Variants in ITPRID1 observed in about 807,000 individuals in gnomAD.
ITPRID1 encodes the protein ITPR interacting domain containing 1.
A neutral mutation model predicts 95.4 loss-of-function variants in ITPRID1; 96 were observed. The ratio of observed to expected loss-of-function variants is 1.01; its 90% CI spans 0.85 to 1.19. The LOEUF is 1.19. Among genes scored for constraint, ITPRID1 ranks in the 50% most tolerant of loss-of-function variants. The pLI is 0.00. For missense variants in ITPRID1, 1,339 were observed against 1,252.9 expected (o/e 1.07, Z -1.04); for synonymous variants, 510 against 453.6 (o/e 1.12, Z -1.58).
intron 10 of ITPRID1, among the ~76,000 whole-genome samples, chr7:31,619,656 T>G (rs539653527): frequency 1.4e-3 from 206 of 152,214 alleles, no homozygotes; most frequent in Admixed American, 3.0e-3. Context: ...ACAGCTCCAG[T>G]CTACAGCCCC....
At chr7:31,626,109 A>G (rs985276946) in intron 10 of ITPRID1, among the ~76,000 whole-genome samples, 9 of 152,352 alleles carry the variant, frequency 5.9e-5, no homozygotes, top group African/African-American at 2.2e-4. Context: ...AACTTGGCAA[A>G]AACATGTTTT....
intron 7 of ITPRID1, among the ~76,000 whole-genome samples, chr7:31,573,180 G>A (rs1785051864): frequency 6.6e-6 from 1 of 152,150 alleles, no homozygotes; most frequent in Admixed American, 6.6e-5. Flanking sequence ...GGTGACCACA[G>A]TTAATATTAA....
At chr7:31,528,616 G>C (rs1783496187) in intron 1 of ITPRID1, among the ~76,000 whole-genome samples, 1 of 152,170 alleles carries the variant, frequency 6.6e-6, no homozygotes, top group Non-Finnish European at 1.5e-5. Flanking sequence ...AGATCTCCCA[G>C]AATAGGCTGA....
Position 31,578,135 on chromosome 7 carries a change from T to A in ITPRID1, c.871T>A (p.Trp291Arg), listed in dbSNP as rs111510506. Residue 291 changes from tryptophan to arginine, a missense_variant, in exon 9 of 15, where the codon TGG becomes AGG. Transcript: ENST00000615280. ...DEVFVPFTKP[W>R]DCGAELAATS... ...AGTTTTTGTTCCCTTTACAAAACCA[T>A]GGGATTGTGGAGCAGAGCTAGCAGC... 3 of 1,613,780 alleles carry A rather than the reference T, an allele frequency of 1.9e-6. No individual in the cohort carries two copies. Among genetic ancestry groups the A allele is most frequent in the African/African-American group, 1.3e-5 (1 of 75,050 alleles).
intron 10 of ITPRID1, among the ~76,000 whole-genome samples, chr7:31,623,787 A>C (rs921300504): frequency 8.6e-5 from 13 of 151,830 alleles, no homozygotes; most frequent in African/African-American, 3.1e-4. Context: ...TAGGCAGGAG[A>C]AGGAAATAAA....
chr7:31,595,131 G>A (rs957479276), intron 10 of ITPRID1, among the ~76,000 whole-genome samples: 19 of 136,426 alleles, frequency 1.4e-4, no homozygotes, highest in South Asian at 4.6e-4. Context: ...GAGTGCAACC[G>A]CCTCCCAGGT....
chr7:31,658,240 TTTTG>T, downstream of ITPRID1: 1 of 1,476,492 alleles, frequency 6.8e-7, no homozygotes, highest in East Asian at 2.5e-5. Context: ...TTGCATTAGG[TTTTG>T]TTTATTTAAC....
At position 31,649,401 on chromosome 7, in the gene ITPRID1, C is replaced by A. The variant is rs1054589086; in HGVS notation, c.2584-1741C>A. Among the ~76,000 whole-genome samples the A allele has an allele frequency of 1.2e-4, 18 of 149,588 alleles. 1 individual carries two copies. The highest frequency in any genetic ancestry group is 8.8e-4 in the Admixed American group (13 of 14,840). The stretch of plus-strand genomic sequence containing the variant: ...AGAAGAGAAGCTTCAAAACAGCCAG[C>A]CTGCAAGATCAGTTTCCTTTAAAGC... On this transcript the variant is annotated intron_variant, in intron 12 of 14. Transcript: ENST00000615280.
intron 10 of ITPRID1, among the ~76,000 whole-genome samples, chr7:31,609,504 T>C (rs1786771998): frequency 6.6e-6 from 1 of 151,654 alleles, no homozygotes; most frequent in African/African-American, 2.4e-5. Flanking sequence ...TATTAAAATT[T>C]TCTGTTTCTG....
At chr7:31,626,904 C>G (rs1788516408) in intron 10 of ITPRID1, among the ~76,000 whole-genome samples, 1 of 152,196 alleles carries the variant, frequency 6.6e-6, no homozygotes, top group South Asian at 2.1e-4. Flanking sequence ...GTGGGATAAA[C>G]AAATAAATAT....
At chr7:31,594,318 G>A (rs892262873) in intron 10 of ITPRID1, among the ~76,000 whole-genome samples, 2 of 152,174 alleles carry the variant, frequency 1.3e-5, no homozygotes, top group Non-Finnish European at 2.9e-5. Context: ...ATGTGTCCCT[G>A]TTGTTAGATG....
intron 1 of ITPRID1, among the ~76,000 whole-genome samples, chr7:31,516,083 T>C (rs917786734): frequency 1.5e-4 from 23 of 152,128 alleles, no homozygotes; most frequent in African/African-American, 5.1e-4. Flanking sequence ...TAAATAAATA[T>C]GGTATTAATG....
At chr7:31,569,947 T>C (rs1432654742) in intron 6 of ITPRID1, 138 bp downstream of exon 6, 4 of 610,524 alleles carry the variant, frequency 6.6e-6, no homozygotes, top group Non-Finnish European at 1.1e-5. Flanking sequence ...TTAGTCACAG[T>C]GCCTAGAATG....
chr7:31,548,500 T>C (rs1021669245), intron 1 of ITPRID1, among the ~76,000 whole-genome samples: 7 of 152,084 alleles, frequency 4.6e-5, no homozygotes, highest in African/African-American at 1.7e-4. Flanking sequence ...CCAGTTTCAG[T>C]TAGAGAAAGA....
chr7:31,626,756 A>C lies in ITPRID1; in HGVS notation c.1229-15420A>C, dbSNP rs149059475. ...TCATCTTTATAAGGGCTACTACTAC[A>C]CATGCTCAGAGTTCATTCTCAGAAC... On this transcript the variant is annotated intron_variant, in intron 10 of 14. Coordinates refer to ENST00000615280, the MANE Select transcript of ITPRID1 (RefSeq NM_001257967.3). Among the ~76,000 whole-genome samples, 572 of 152,320 alleles carry C rather than the reference A, an allele frequency of 3.8e-3. 2 individuals are homozygous for C. Among genetic ancestry groups the C allele is most frequent in the Admixed American group, 9.7e-3 (148 of 15,306 alleles).
chr7:31,577,792 T>A, intron 8 of ITPRID1, 71 bp from the exon 9 acceptor site: 1 of 1,310,290 alleles, frequency 7.6e-7, no homozygotes, highest in Non-Finnish European at 1.0e-6. Context: ...ACCCTTCAGT[T>A]TTGACTACGT....
At chr7:31,550,184 T>C (rs1035486342) in intron 2 of ITPRID1, among the ~76,000 whole-genome samples, 3 of 145,062 alleles carry the variant, frequency 2.1e-5, no homozygotes, top group African/African-American at 5.0e-5. Context: ...TTAGTGCATA[T>C]ACAGTTTTGC....
intron 1 of ITPRID1, among the ~76,000 whole-genome samples, chr7:31,535,480 G>A (rs1387947477): frequency 2.0e-5 from 3 of 151,834 alleles, no homozygotes; most frequent in African/African-American, 7.3e-5. Context: ...ACATATAGAT[G>A]TATATATATT....
intron 10 of ITPRID1, among the ~76,000 whole-genome samples, chr7:31,634,849 CAGAGTA>C (rs1466861421): frequency 1.3e-5 from 2 of 152,118 alleles, no homozygotes; most frequent in Non-Finnish European, 2.9e-5. Flanking sequence ...CCCACTGGAG[CAGAGTA>C]AGGAAGAACT....
Sources: allele counts gnomAD v4.1 joint callset (sites outside exome capture counted in the v4.1 genomes callset), GRCh38; gene constraint gnomAD v4.1.1; transcripts MANE v1.5; gene names NCBI Gene and HGNC (gene_info 2026-07-23, HGNC 2026-07-21).